Variants in EPS8 observed in about 807,000 individuals in gnomAD.
The protein encoded by EPS8 is EGFR pathway substrate 8, signaling adaptor, also known as epidermal growth factor receptor kinase substrate 8.
A neutral mutation model predicts 103.8 loss-of-function variants in EPS8; 42 were observed. That is an observed-to-expected ratio of 0.40 (90% CI 0.32 to 0.52). The LOEUF is 0.52. Among genes scored for constraint, EPS8 ranks in the 20% least tolerant of loss-of-function variants. The pLI is 0.40. For synonymous variants in EPS8, 344 were observed against 344.6 expected, an observed-to-expected ratio of 1.00 and a Z score of 0.02; for missense variants, 969 against 1,005.1, an observed-to-expected ratio of 0.96 and a Z score of 0.49.
chr12:15,666,002 G>T, intron 7 of EPS8, 110 bp from the exon 8 acceptor site: 1 of 1,091,550 alleles, frequency 9.2e-7, no homozygotes, highest in South Asian at 1.6e-5. Flanking sequence ...CTATGTCAAG[G>T]GACAATAAGG....
intron 14 of EPS8, among the ~76,000 whole-genome samples, chr12:15,650,052 A>G (rs185757762): frequency 1.6e-3 from 246 of 152,356 alleles, no homozygotes; most frequent in South Asian, 4.8e-3. Context: ...CCAACAAACA[A>G]GAAGAGTCAT....
rs1347266559 is a variant in EPS8, at chr12:15,759,145, G to A, written c.-22+30016C>T. ...TGTTAATATTTCATAATATGGTATTGTTATATCCCCTATGTTTTCTTTTGG... is the reference window on the plus strand; with the variant it reads ...TGTTAATATTTCATAATATGGTATTATTATATCCCCTATGTTTTCTTTTGG... On this transcript the variant is annotated intron_variant, in intron 1 of 20. Coordinates refer to ENST00000281172, the MANE Select transcript of EPS8 (RefSeq NM_004447.6). This position sits in a 1 kb window ranked among gnomAD's most constrained non-coding sequence, Gnocchi z 4.9. Among the ~76,000 whole-genome samples, 2 of 151,978 alleles carry A rather than the reference G, an allele frequency of 1.3e-5. No homozygotes were observed. The highest frequency in any genetic ancestry group is 3.9e-4 in the East Asian group (2 of 5,174).
chr12:15,686,619 G>T (rs1025533213), intron 1 of EPS8, among the ~76,000 whole-genome samples: 3 of 152,042 alleles, frequency 2.0e-5, no homozygotes, highest in African/African-American at 4.8e-5. Context: ...AAAGGAAATG[G>T]AATATATAAA....
chr12:15,641,021 CA>C lies in EPS8; in HGVS notation c.1678-176del, dbSNP rs59992756. On this transcript the variant is annotated intron_variant, in intron 16 of 20. Coordinates refer to ENST00000281172, the MANE Select transcript of EPS8 (RefSeq NM_004447.6). ...CACTAAGAAGACATTTATGAGTATA[CA>C]GTAGGTAAGGTATCATTATGGTGAA... Among the ~76,000 whole-genome samples, 11,794 of 152,048 alleles carry C rather than the reference CA, an allele frequency of 0.078. 1,012 individuals carry two copies. The highest frequency in any genetic ancestry group is 0.22 in the African/African-American group (9,045 of 41,408).
At position 15,624,226 on chromosome 12, in the gene EPS8, C is replaced by T; in HGVS notation, c.2225+1G>A. 2.5e-6 allele frequency: 4 copies of T among 1,612,414 alleles called. No homozygotes were observed. The highest frequency in any genetic ancestry group is 2.5e-6 in the Non-Finnish European group (3 of 1,179,210). ...TGCAAAGTATTCACAGAGAGACTCACACAGGGTTGAATCCCTTTGACTGTA... is the reference window on the plus strand; with the variant it reads ...TGCAAAGTATTCACAGAGAGACTCATACAGGGTTGAATCCCTTTGACTGTA... On this transcript the variant is annotated splice_donor_variant, in intron 19 of 20. Coordinates refer to ENST00000281172, the MANE Select transcript of EPS8 (RefSeq NM_004447.6). LOFTEE classifies it high-confidence loss of function.
At chr12:15,656,952 A>G (rs1022383402) in intron 12 of EPS8, among the ~76,000 whole-genome samples, 2 of 152,068 alleles carry the variant, frequency 1.3e-5, no homozygotes, top group African/African-American at 4.8e-5. Flanking sequence ...TACCAGGTCC[A>G]AGCACCATAA....
rs1036106238 is a variant in EPS8 at position 15,696,458 on chromosome 12, C to T, written c.-21-13486G>A. Among the ~76,000 whole-genome samples, 20 of 151,802 alleles carry T rather than the reference C, an allele frequency of 1.3e-4. No homozygotes were observed. The highest frequency in any genetic ancestry group is 2.5e-4 in the Non-Finnish European group (17 of 67,928). On this transcript the variant is annotated intron_variant, in intron 1 of 20. Coordinates refer to ENST00000281172, the MANE Select transcript of EPS8 (RefSeq NM_004447.6). The surrounding 1 kb of genome is among the most constrained non-coding windows in gnomAD (Gnocchi z 4.8). ...AGTTCAAGACCAGCCTGGCCAGCAT[C>T]GTGAAACCCCATTTTTACTAAAAAT... is the stretch of plus-strand genomic sequence containing the variant.
chr12:15,789,266 A>G lies in EPS8; in HGVS notation c.-127T>C, dbSNP rs2136065235. ...CCCCCAATCTGATTCGCGCCCAGCC[A>G]GTCGTCCGCGAGCCGCGGAGCCGCC... On this transcript the variant is annotated 5_prime_UTR_variant, in exon 1 of 21. Transcript: ENST00000281172. The surrounding 1 kb of genome is among the most constrained non-coding windows in gnomAD (Gnocchi z 6.1). The G allele has an allele frequency of 6.6e-6, 1 of 152,300 alleles. No homozygotes were observed. Among genetic ancestry groups the G allele is most frequent in the East Asian group, 1.9e-4 (1 of 5,132 alleles). 9.4% of individuals were successfully genotyped at this position (152,300 alleles called of 1,614,324 possible). A position where few individuals can be genotyped will look rare whatever the true frequency, so the allele number is the denominator to read the frequency against.
At chr12:15,788,691 C>G (rs1258399693) in intron 1 of EPS8, among the ~76,000 whole-genome samples, 1 of 152,130 alleles carries the variant, frequency 6.6e-6, no homozygotes, top group Admixed American at 6.5e-5. Context: ...AGGGGGTAAA[C>G]GGGGGTGGGA....
Position 15,781,624 on chromosome 12 carries a change from T to C in EPS8, c.-22+7537A>G, listed in dbSNP as rs1947261739. On this transcript the variant is annotated intron_variant, in intron 1 of 20. Coordinates refer to ENST00000281172, the MANE Select transcript of EPS8 (RefSeq NM_004447.6). This position sits in a 1 kb window ranked among gnomAD's most constrained non-coding sequence, Gnocchi z 4.1. ...CCTGCTTCTTGAAGACTACTGGTTC[T>C]AACTTTAGTGCAACATTATAAATAT... is the stretch of plus-strand genomic sequence containing the variant. 1.3e-5 allele frequency: 2 copies of C among 152,406 alleles called. No individual in the cohort carries two copies. Among genetic ancestry groups the C allele is most frequent in the South Asian group, 2.1e-4 (1 of 4,830 alleles). The allele number at this position is 152,406 out of a possible 1,614,324, so 9.4% of individuals were successfully genotyped here. A position where few individuals can be genotyped will look rare whatever the true frequency, so the allele number is the denominator to read the frequency against.
At chr12:15,640,654 A>G (rs369426871) in intron 17 of EPS8, 49 bp downstream of exon 17, 10 of 1,544,500 alleles carry the variant, frequency 6.5e-6, no homozygotes, top group Non-Finnish European at 8.9e-6. Flanking sequence ...TAAGAGTGAT[A>G]ACTTCGTAAA....
In EPS8 at chr12:15,785,338, G is replaced by C. The variant is rs932032418; in HGVS notation, c.-22+3823C>G. 2.0e-5 allele frequency among the ~76,000 whole-genome samples: 3 copies of C among 152,092 alleles called. No individual in the cohort carries two copies. Among genetic ancestry groups the C allele is most frequent in the African/African-American group, 7.2e-5 (3 of 41,446 alleles). ...GATGCTAAAGTTGTTTCCCATGGGA[G>C]CACAGGTTAACAATTCCAATGCTGC... On this transcript the variant is annotated intron_variant, in intron 1 of 20. Coordinates refer to ENST00000281172, the MANE Select transcript of EPS8 (RefSeq NM_004447.6). The surrounding 1 kb of genome is among the most constrained non-coding windows in gnomAD (Gnocchi z 4.9).
intron 17 of EPS8, among the ~76,000 whole-genome samples, chr12:15,639,227 T>C (rs140169646): frequency 9.9e-4 from 151 of 152,298 alleles, no homozygotes; most frequent in African/African-American, 3.6e-3. Context: ...TCTACCATTA[T>C]TTTAAGTATA....
In EPS8 at chr12:15,662,084, T is replaced by A; in HGVS notation, c.752A>T (p.Gln251Leu). The change falls in exon 9 of 21, where the codon CAG becomes CTG. Residue 251 changes from glutamine to leucine, a missense_variant. By Grantham distance (113) the Gln-to-Leu change is moderately radical. Transcript: ENST00000281172. ...ADQGDFEKPR[Q>L]YHEQEETPEM... ...AGGTGTTTCTTCCTGCTCATGATAC[T>A]GCCTTGGTTTCTCAACTATAGAAAG... 6.2e-7 allele frequency: 1 copy of A among 1,613,818 alleles called. No homozygotes were observed. Among genetic ancestry groups the A allele is most frequent in the Non-Finnish European group, 8.5e-7 (1 of 1,179,698 alleles).
chr12:15,721,937 T>C lies in EPS8; in HGVS notation c.-21-38965A>G, dbSNP rs1334085905. On this transcript the variant is annotated intron_variant, in intron 1 of 20. Transcript: ENST00000281172. This position sits in a 1 kb window ranked among gnomAD's most constrained non-coding sequence, Gnocchi z 4.4. ...GCCAGAGACAAATGCTTTCACATTT[T>C]ATAAATTTTTCTAGTTTTTTTTTAA... Among the ~76,000 whole-genome samples, 5 of 151,932 alleles carry C rather than the reference T, an allele frequency of 3.3e-5. No homozygotes were observed. The highest frequency in any genetic ancestry group is 6.6e-5 in the Admixed American group (1 of 15,238).
chr12:15,672,789 C>T (rs1220763368), intron 3 of EPS8, among the ~76,000 whole-genome samples: 10 of 152,120 alleles, frequency 6.6e-5, no homozygotes, highest in Admixed American at 6.6e-4. Flanking sequence ...TTCAGAGTCA[C>T]TGGTTCACCA....
chr12:15,646,879 G>C (rs1945328046), intron 15 of EPS8, among the ~76,000 whole-genome samples: 1 of 152,184 alleles, frequency 6.6e-6, no homozygotes, highest in African/African-American at 2.4e-5. Flanking sequence ...CATTTTGTCC[G>C]AAGTATCTTT....
rs1301766883 is a variant in EPS8, at chr12:15,733,582, C to T, written c.-21-50610G>A. On this transcript the variant is annotated intron_variant, in intron 1 of 20. Coordinates refer to ENST00000281172, the MANE Select transcript of EPS8 (RefSeq NM_004447.6). The surrounding 1 kb of genome is among the most constrained non-coding windows in gnomAD (Gnocchi z 4.8). ...GAAAGAATAAAAGGACATGTGAAAA[C>T]ACCTCAGCCCAGAGATAAGAGGACC... Among the ~76,000 whole-genome samples, 3 of 152,018 alleles carry T rather than the reference C, an allele frequency of 2.0e-5. No homozygotes were observed. The highest frequency in any genetic ancestry group is 6.5e-5 in the Admixed American group (1 of 15,282).
intron 17 of EPS8, among the ~76,000 whole-genome samples, chr12:15,633,654 A>G (rs951148825): frequency 6.6e-6 from 1 of 152,220 alleles, no homozygotes; most frequent in African/African-American, 2.4e-5. Flanking sequence ...GGTTTAAAAT[A>G]CATATTTGAT....
Sources: allele counts gnomAD v4.1 joint callset (sites outside exome capture counted in the v4.1 genomes callset), GRCh38; gene constraint gnomAD v4.1.1; non-coding constraint Gnocchi (gnomAD v3.1); transcripts MANE v1.5; gene names NCBI Gene and HGNC (gene_info 2026-07-23, HGNC 2026-07-21).